CABCOCO1: variants seen among roughly 807,000 people sequenced by gnomAD.
CABCOCO1 encodes ciliary-associated calcium-binding coiled-coil protein 1.
Under a neutral mutation model 35.7 loss-of-function variants are expected in CABCOCO1, and 28 were observed. That is an observed-to-expected ratio of 0.78 (90% CI 0.58 to 1.07). The LOEUF (loss-of-function observed/expected upper bound fraction) is 1.07. CABCOCO1 is among the 50% of genes least tolerant of loss of function. The pLI is 0.00. For missense variants in CABCOCO1, 326 were observed against 309.2 expected (o/e 1.05, Z -0.41); for synonymous variants, 95 against 100.1 (o/e 0.95, Z 0.30).
chr10:61,722,252 C>T (rs1841040590), intron 5 of CABCOCO1, among the ~76,000 whole-genome samples: 1 of 152,040 alleles, frequency 6.6e-6, no homozygotes, highest in African/African-American at 2.4e-5. Context: ...CAAAATAAAC[C>T]TCAATAAATT....
chr10:61,764,468 A>G (rs10994916), intron 7 of CABCOCO1, among the ~76,000 whole-genome samples: 21,417 of 152,066 alleles, frequency 0.14, 2,268 homozygotes, highest in East Asian at 0.55. Flanking sequence ...TGATATTAAC[A>G]TAATCCTATT....
rs376006594 is a variant in CABCOCO1 at position 61,671,621 on chromosome 10, A to G, written c.61-1011A>G. On this transcript the variant is annotated intron_variant, in intron 1 of 7. Coordinates refer to ENST00000648843, the MANE Select transcript of CABCOCO1 (RefSeq NM_001366906.2). ...TCTTTCTCCCCTCTTTTAGGCCCCC[A>G]TAACATGACTACATTCACCACTTTC... Among the ~76,000 whole-genome samples the G allele has an allele frequency of 6.0e-4, 91 of 152,312 alleles. 1 individual carries two copies. In the South Asian group the frequency reaches 0.018, roughly 31 times the overall value.
At chr10:61,743,300 A>G (rs1841588775) in intron 5 of CABCOCO1, among the ~76,000 whole-genome samples, 1 of 152,136 alleles carries the variant, frequency 6.6e-6, no homozygotes, top group Non-Finnish European at 1.5e-5. Flanking sequence ...CCATCTTTCA[A>G]TGTAGCCATA....
At chr10:61,740,270 C>A (rs1841520569) in intron 5 of CABCOCO1, among the ~76,000 whole-genome samples, 1 of 152,166 alleles carries the variant, frequency 6.6e-6, no homozygotes, top group Non-Finnish European at 1.5e-5. Context: ...CTATCGCCAT[C>A]TTTGTATAGA....
chr10:61,734,838 A>G (rs1297231731), intron 5 of CABCOCO1, among the ~76,000 whole-genome samples: 1 of 152,138 alleles, frequency 6.6e-6, no homozygotes, highest in Non-Finnish European at 1.5e-5. Context: ...CAAAAATAGG[A>G]TGAGAAAATG....
chr10:61,681,382 A>C (rs1839787333), intron 3 of CABCOCO1, 70 bp downstream of exon 3: 1 of 1,181,644 alleles, frequency 8.5e-7, no homozygotes, highest in East Asian at 2.5e-5. Flanking sequence ...TCTTAAGCAA[A>C]AGTTACAGAT....
intron 5 of CABCOCO1, among the ~76,000 whole-genome samples, chr10:61,744,667 C>T (rs187338913): frequency 1.3e-5 from 2 of 152,074 alleles, no homozygotes; most frequent in Admixed American, 6.6e-5. Flanking sequence ...GGCATATCAG[C>T]CCTCCTCACA....
chr10:61,755,066 A>G (rs1478562969), intron 5 of CABCOCO1, among the ~76,000 whole-genome samples: 2 of 152,204 alleles, frequency 1.3e-5, no homozygotes, highest in African/African-American at 4.8e-5. Flanking sequence ...TTGATATTCT[A>G]CATTTACAGA....
At chr10:61,739,452 A>C (rs1406888848) in intron 5 of CABCOCO1, among the ~76,000 whole-genome samples, 1 of 152,220 alleles carries the variant, frequency 6.6e-6, no homozygotes, top group Non-Finnish European at 1.5e-5. Context: ...AAATGTTATA[A>C]ACAGCAATTT....
At chr10:61,700,274 A>G (rs183431300) in intron 5 of CABCOCO1, among the ~76,000 whole-genome samples, 32 of 152,184 alleles carry the variant, frequency 2.1e-4, no homozygotes, top group African/African-American at 7.0e-4. Flanking sequence ...TTAAAAATCA[A>G]ACTCTAAAAA....
intron 1 of CABCOCO1, among the ~76,000 whole-genome samples, chr10:61,670,944 A>G (rs1391079668): frequency 6.6e-6 from 1 of 152,200 alleles, no homozygotes; most frequent in East Asian, 1.9e-4. Flanking sequence ...CGCTATTAGT[A>G]TTCCACCTTA....
At chr10:61,695,165 TA>T (rs907855243) in intron 5 of CABCOCO1, among the ~76,000 whole-genome samples, 92 of 150,720 alleles carry the variant, frequency 6.1e-4, no homozygotes, top group African/African-American at 1.9e-3. Context: ...TTTTAGCAGA[TA>T]AAAAAAGATT....
chr10:61,707,521 C>T (rs1840622945), intron 5 of CABCOCO1, among the ~76,000 whole-genome samples: 1 of 152,106 alleles, frequency 6.6e-6, no homozygotes, highest in South Asian at 2.1e-4. Flanking sequence ...TCAGGAATCC[C>T]TTATTGGGGA....
chr10:61,761,503 T>C (rs1242111210), intron 7 of CABCOCO1, among the ~76,000 whole-genome samples: 1 of 152,118 alleles, frequency 6.6e-6, no homozygotes, highest in East Asian at 1.9e-4. Flanking sequence ...AGCAGCCGTA[T>C]GAATAGCAGC....
chr10:61,765,972 G>A lies in CABCOCO1; in HGVS notation c.850G>A (p.Glu284Lys). Reference protein sequence around the residue: ...EINEKLQIQEEAFNARIEKLK... With the variant: ...EINEKLQIQEKAFNARIEKLK... ...AAACGAAAAACTGCAAATACAGGAA[G>A]AGGCCTTTAATGCACGAATAGAAAA... Residue 284 changes from glutamate (E) to lysine (K), a missense_variant, in exon 8 of 8, where the codon GAG (glutamate) becomes AAG (lysine). Transcript: ENST00000648843. 1 of 1,613,476 alleles carries A rather than the reference G, an allele frequency of 6.2e-7. No individual in the cohort carries two copies. Among genetic ancestry groups the A allele is most frequent in the Non-Finnish European group, 8.5e-7 (1 of 1,179,620 alleles).
chr10:61,716,438 G>C (rs1177290625), intron 5 of CABCOCO1, among the ~76,000 whole-genome samples: 4 of 152,044 alleles, frequency 2.6e-5, no homozygotes, highest in Non-Finnish European at 5.9e-5. Flanking sequence ...TTCAATGGGG[G>C]GAGTGACAGG....
chr10:61,663,841 A>C (rs1839085150), intron 1 of CABCOCO1, among the ~76,000 whole-genome samples: 1 of 152,056 alleles, frequency 6.6e-6, no homozygotes. Flanking sequence ...AAAAGTTTAA[A>C]TCTTTGCACA....
chr10:61,684,795 A>C (rs1240595829), intron 3 of CABCOCO1: 5 of 152,342 alleles, frequency 3.3e-5, no homozygotes, highest in African/African-American at 7.2e-5. Context: ...ACCTGACTCC[A>C]TCTTCCAGGG....
chr10:61,663,382 T>C (rs1288092861), intron 1 of CABCOCO1, among the ~76,000 whole-genome samples: 1 of 151,854 alleles, frequency 6.6e-6, no homozygotes, highest in East Asian at 1.9e-4. Context: ...TGTTTTTTTT[T>C]TTTTTAATTC....
Sources: allele counts gnomAD v4.1 joint callset (sites outside exome capture counted in the v4.1 genomes callset), GRCh38; gene constraint gnomAD v4.1.1; transcripts MANE v1.5; gene names NCBI Gene and HGNC (gene_info 2026-07-23, HGNC 2026-07-21).